Variants in VWA3B observed in about 807,000 individuals in gnomAD.
VWA3B encodes von Willebrand factor A domain-containing protein 3B.
VWA3B carries 138 observed loss-of-function variants against 158.3 expected under a neutral mutation model. That is an observed-to-expected ratio of 0.87 (90% CI 0.76 to 1.00). VWA3B has a LOEUF of 1.00. Ranked by LOEUF, VWA3B falls within the 50% of genes least tolerant of loss-of-function variation. The pLI is 0.00. For synonymous variants in VWA3B, 596 were observed against 587.3 expected (o/e 1.01, Z -0.21); for missense variants, 1,555 against 1,565.1 (o/e 0.99, Z 0.11).
intron 7 of VWA3B, among the ~76,000 whole-genome samples, chr2:98,153,789 T>G (rs1314876722): frequency 6.6e-6 from 1 of 152,232 alleles, no homozygotes; most frequent in Non-Finnish European, 1.5e-5. Context: ...ACGTTGCAAC[T>G]GACAAGGCTG....
chr2:98,263,365 A>G (rs1332391831), intron 21 of VWA3B, among the ~76,000 whole-genome samples: 1 of 151,886 alleles, frequency 6.6e-6, no homozygotes, highest in Admixed American at 6.6e-5. Context: ...CCAATCTTTC[A>G]TTATTAAGTA....
chr2:98,194,537 A>C (rs2105434108), intron 12 of VWA3B, 45 bp downstream of exon 12: 1 of 1,600,474 alleles, frequency 6.2e-7, no homozygotes, highest in East Asian at 2.2e-5. Context: ...GGAGTCTCTC[A>C]CCTGTGTACT....
chr2:98,135,805 CA>C (rs1196579782), intron 7 of VWA3B, among the ~76,000 whole-genome samples: 1 of 152,196 alleles, frequency 6.6e-6, no homozygotes, highest in Non-Finnish European at 1.5e-5. Flanking sequence ...CTACCTCTCC[CA>C]AACTGCCCAG....
At position 98,216,816 on chromosome 2, in the gene VWA3B, C is replaced by T. The variant is rs549760010; in HGVS notation, c.1837-1030C>T. 2.1e-5 allele frequency: 14 copies of T among 656,804 alleles called. No homozygotes were observed. The African/African-American group carries it at 2.6e-4, about 12-fold the overall frequency. The allele number at this position is 656,804 out of a possible 1,614,324, so 40.7% of individuals were successfully genotyped here. A position where few individuals can be genotyped will look rare whatever the true frequency, so the allele number is the denominator to read the frequency against. On this transcript the variant is annotated intron_variant, in intron 13 of 27. Transcript: ENST00000477737. Reference sequence around the variant, plus strand: ...TAAGGAGGGAGTATCAGTTCTGAGCCACAGATGAGGAAACTCACATTAGAC... The same window carrying T: ...TAAGGAGGGAGTATCAGTTCTGAGCTACAGATGAGGAAACTCACATTAGAC...
chr2:98,193,949 G>A (rs1030659530), intron 11 of VWA3B, among the ~76,000 whole-genome samples: 5 of 152,120 alleles, frequency 3.3e-5, no homozygotes, highest in African/African-American at 9.7e-5. Flanking sequence ...GTATAAAGTT[G>A]TAACTGAATA....
chr2:98,303,847 T>A, intron 26 of VWA3B, 45 bp downstream of exon 26: 1 of 1,575,064 alleles, frequency 6.3e-7, no homozygotes, highest in African/African-American at 1.4e-5. Flanking sequence ...ATTTATATCC[T>A]TGCACCTTTA....
intron 7 of VWA3B, among the ~76,000 whole-genome samples, chr2:98,156,674 T>G (rs1413033109): frequency 3.3e-5 from 5 of 152,056 alleles, no homozygotes; most frequent in South Asian, 2.1e-4. Flanking sequence ...CAGTTTTTTT[T>G]TTTTTTTTTT....
intron 2 of VWA3B, 28 bp from the exon 3 acceptor site, chr2:98,115,624 T>C: frequency 1.3e-6 from 2 of 1,585,476 alleles, no homozygotes; most frequent in Non-Finnish European, 1.7e-6. Flanking sequence ...TACTACTGTT[T>C]TGATTGTTTT....
chr2:98,303,384 G>C (rs985157074), intron 25 of VWA3B, among the ~76,000 whole-genome samples: 1 of 137,018 alleles, frequency 7.3e-6, no homozygotes. Context: ...GTGGCCAAAG[G>C]CTGAAATAAA....
At chr2:98,269,456 A>G (rs1688066492) in intron 21 of VWA3B, 1 of 152,204 alleles carries the variant, frequency 6.6e-6, no homozygotes, top group South Asian at 2.1e-4. Context: ...CTGACCTGCA[A>G]AATATGCCAC....
intron 6 of VWA3B, among the ~76,000 whole-genome samples, chr2:98,132,769 A>G (rs1355982903): frequency 6.6e-6 from 1 of 152,206 alleles, no homozygotes; most frequent in Non-Finnish European, 1.5e-5. Flanking sequence ...GGAGTTGGGA[A>G]TGACCAGGCT....
chr2:98,119,796 A>G lies in VWA3B; in HGVS notation c.542+33A>G, dbSNP rs370961519. On this transcript the variant is annotated intron_variant, in intron 4 of 27. Transcript: ENST00000477737. ...CCCATAGGAAGGGAGTATTTTAGTG[A>G]AAGTTCATAGTAATTTGTACATATT... 5.6e-6 allele frequency: 9 copies of G among 1,608,396 alleles called. No homozygotes were observed. In the African/African-American group the frequency reaches 1.1e-4, roughly 19 times the overall value.
chr2:98,188,243 T>A, intron 10 of VWA3B, 114 bp downstream of exon 10: 3 of 1,372,900 alleles, frequency 2.2e-6, no homozygotes, highest in Non-Finnish European at 3.0e-6. Context: ...TTGTACCTAT[T>A]TATGTGATAC....
chr2:98,132,129 C>G (rs1031740179), intron 6 of VWA3B, among the ~76,000 whole-genome samples: 1 of 152,220 alleles, frequency 6.6e-6, no homozygotes, highest in Non-Finnish European at 1.5e-5. Flanking sequence ...GGAATAATTT[C>G]CTGTGAGAGA....
chr2:98,241,261 G>A (rs761106662), intron 19 of VWA3B, among the ~76,000 whole-genome samples: 34 of 152,234 alleles, frequency 2.2e-4, no homozygotes, highest in Non-Finnish European at 4.7e-4. Context: ...TGTCATTCCA[G>A]AGAAGTTTAG....
chr2:98,225,458 T>C lies in VWA3B; in HGVS notation c.2020-2744T>C, dbSNP rs367625026. ...AGAAATAGAAGAGAACTTCCTCAAC[T>C]TAATAAGAACATCAATACCTACAGC... On this transcript the variant is annotated intron_variant, in intron 14 of 27. Transcript: ENST00000477737. Among the ~76,000 whole-genome samples the C allele has an allele frequency of 3.2e-4, 49 of 152,252 alleles. No individual in the cohort carries two copies. In the East Asian group the frequency reaches 5.2e-3, roughly 16 times the overall value.
intron 7 of VWA3B, among the ~76,000 whole-genome samples, chr2:98,143,733 C>A (rs1236037158): frequency 1.4e-5 from 2 of 147,750 alleles, no homozygotes; most frequent in African/African-American, 4.9e-5. Context: ...GGAGCTTTAG[C>A]TTTCTTTTCT....
chr2:98,121,565 C>G, intron 5 of VWA3B, 107 bp downstream of exon 5: 1 of 1,429,898 alleles, frequency 7.0e-7, no homozygotes. Context: ...GGGCCCCTCC[C>G]AGCAGGATCC....
intron 19 of VWA3B, among the ~76,000 whole-genome samples, chr2:98,245,005 T>C (rs1686301202): frequency 6.6e-6 from 1 of 152,166 alleles, no homozygotes; most frequent in Non-Finnish European, 1.5e-5. Context: ...TCTCGATCAC[T>C]ACCTCTACCT....
Sources: gnomAD v4.1 joint callset for allele counts (sites outside exome capture counted in the v4.1 genomes callset) on GRCh38, gnomAD v4.1.1 for gene constraint, MANE v1.5 for transcripts, NCBI Gene and HGNC (gene_info 2026-07-23, HGNC 2026-07-21) for gene names.